DYNC1I1: variants seen among roughly 807,000 people sequenced by gnomAD.
The protein encoded by DYNC1I1 is dynein cytoplasmic 1 intermediate chain 1, also known as cytoplasmic dynein 1 intermediate chain 1.
Under a neutral mutation model 86.6 loss-of-function variants are expected in DYNC1I1, and 43 were observed. The observed-to-expected ratio is 0.50, with a 90% CI of 0.39 to 0.64. The LOEUF (loss-of-function observed/expected upper bound fraction) is 0.64, where lower values mean the gene tolerates loss of function less well. DYNC1I1 is among the 30% of genes least tolerant of loss of function. The pLI is 0.00. For synonymous variants in DYNC1I1, 262 were observed against 283.7 expected, an observed-to-expected ratio of 0.92 and a Z score of 0.77; for missense variants, 604 against 788.8, an observed-to-expected ratio of 0.77 and a Z score of 2.81.
intron 4 of DYNC1I1, among the ~76,000 whole-genome samples, chr7:95,826,248 T>G (rs1485952159): frequency 2.0e-5 from 3 of 152,180 alleles, no homozygotes; most frequent in Non-Finnish European, 4.4e-5. Context: ...CTTTCAGAGG[T>G]TCTATGTAAA....
chr7:96,004,912 T>G (rs1466227011), intron 10 of DYNC1I1, among the ~76,000 whole-genome samples: 1 of 152,216 alleles, frequency 6.6e-6, no homozygotes, highest in Non-Finnish European at 1.5e-5. Context: ...AATGCAAATT[T>G]GAAACCCTAT....
At chr7:95,873,819 G>A (rs547694390) in intron 6 of DYNC1I1, among the ~76,000 whole-genome samples, 81 of 152,328 alleles carry the variant, frequency 5.3e-4, no homozygotes, top group African/African-American at 1.9e-3. Context: ...CCAGGCCTCC[G>A]TATTCTTACC....
intron 5 of DYNC1I1, among the ~76,000 whole-genome samples, chr7:95,854,113 G>T (rs542166424): frequency 2.1e-4 from 32 of 152,174 alleles, no homozygotes; most frequent in Non-Finnish European, 4.1e-4. Flanking sequence ...CTTTTGATTG[G>T]AGAATTTAAT....
At chr7:95,951,890 A>G (rs975241678) in intron 6 of DYNC1I1, among the ~76,000 whole-genome samples, 30 of 152,194 alleles carry the variant, frequency 2.0e-4, no homozygotes, top group African/African-American at 7.0e-4. Flanking sequence ...TTTTCTGTAT[A>G]TGTTTCTCTG....
At chr7:95,810,801 TG>T (rs1794813482) in intron 3 of DYNC1I1, among the ~76,000 whole-genome samples, 1 of 152,070 alleles carries the variant, frequency 6.6e-6, no homozygotes. Context: ...AGTTGCCACT[TG>T]GTAAATATAA....
intron 10 of DYNC1I1, among the ~76,000 whole-genome samples, chr7:96,019,239 C>T (rs573104624): frequency 1.4e-4 from 22 of 152,044 alleles, no homozygotes; most frequent in Non-Finnish European, 2.6e-4. Context: ...TAATTGTAGT[C>T]ACCATGTTGT....
chr7:95,975,556 A>C lies in DYNC1I1; in HGVS notation c.491-1956A>C, dbSNP rs570332061. On this transcript the variant is annotated intron_variant, in intron 6 of 16. Coordinates refer to ENST00000447467, the MANE Select transcript of DYNC1I1 (RefSeq NM_001135556.2). ...CATGTTGGATTAGGTGCCCTACTCC[A>C]TTATAACCTCATTTGAACTAATTAT... Among the ~76,000 whole-genome samples the C allele has an allele frequency of 2.6e-5, 4 of 152,242 alleles. No homozygotes were observed. The East Asian group carries it at 7.7e-4, about 29-fold the overall frequency.
intron 14 of DYNC1I1, among the ~76,000 whole-genome samples, chr7:96,074,764 GAA>G (rs1346459088): frequency 6.6e-6 from 1 of 152,180 alleles, no homozygotes; most frequent in Non-Finnish European, 1.5e-5. Flanking sequence ...TTCACTTGGA[GAA>G]ATCACTCTAA....
intron 9 of DYNC1I1, among the ~76,000 whole-genome samples, chr7:95,989,770 C>T (rs1327268267): frequency 6.6e-6 from 1 of 152,150 alleles, no homozygotes; most frequent in African/African-American, 2.4e-5. Context: ...CTTACCTACG[C>T]TGTGGGGAAG....
intron 3 of DYNC1I1, among the ~76,000 whole-genome samples, chr7:95,812,508 G>C (rs1794852298): frequency 6.6e-6 from 1 of 152,154 alleles, no homozygotes; most frequent in Admixed American, 6.6e-5. Flanking sequence ...CAGAGTGGCA[G>C]CTTACTTCTG....
intron 5 of DYNC1I1, among the ~76,000 whole-genome samples, chr7:95,832,192 C>A (rs554714061): frequency 8.8e-6 from 1 of 113,440 alleles, no homozygotes; most frequent in Non-Finnish European, 1.7e-5. Context: ...TTGTTCAATT[C>A]CCACCTATGA....
At chr7:95,963,395 A>G (rs112606751) in intron 6 of DYNC1I1, among the ~76,000 whole-genome samples, 29 of 152,302 alleles carry the variant, frequency 1.9e-4, no homozygotes, top group African/African-American at 6.0e-4. Flanking sequence ...AGTTTAGCCT[A>G]TGCCTTCAAT....
At chr7:96,064,477 T>G (rs141199161) in intron 14 of DYNC1I1, among the ~76,000 whole-genome samples, 70 of 152,310 alleles carry the variant, frequency 4.6e-4, no homozygotes, top group African/African-American at 1.6e-3. Flanking sequence ...TCTTGCTCAG[T>G]AGCAGTTTCC....
At chr7:95,996,154 C>A in intron 10 of DYNC1I1, 81 bp downstream of exon 10, 1 of 1,576,960 alleles carries the variant, frequency 6.3e-7, no homozygotes, top group Non-Finnish European at 8.6e-7. Flanking sequence ...CTGTCTTATG[C>A]TGAGAGGAAG....
intron 1 of DYNC1I1, among the ~76,000 whole-genome samples, chr7:95,798,300 G>A (rs1395293082): frequency 6.6e-6 from 1 of 151,562 alleles, no homozygotes; most frequent in Non-Finnish European, 1.5e-5. Context: ...CCTTTCACTG[G>A]CCAACTCCCT....
chr7:95,875,344 G>A (rs1226762442), intron 6 of DYNC1I1, among the ~76,000 whole-genome samples: 2 of 152,146 alleles, frequency 1.3e-5, no homozygotes, highest in Admixed American at 6.5e-5. Flanking sequence ...ACATTATTAC[G>A]CTTGCAGCAT....
intron 6 of DYNC1I1, among the ~76,000 whole-genome samples, chr7:95,891,058 G>T (rs1182834235): frequency 2.0e-5 from 3 of 152,050 alleles, no homozygotes; most frequent in African/African-American, 7.3e-5. Flanking sequence ...CATTAGAGTG[G>T]GCCTTCATCC....
intron 6 of DYNC1I1, among the ~76,000 whole-genome samples, chr7:95,899,844 A>G (rs984862): frequency 0.61 from 93,426 of 152,076 alleles, 29,274 homozygotes; most frequent in Non-Finnish European, 0.68. Context: ...AATATTCTCC[A>G]GGAACTTCTA....
chr7:95,909,196 A>AG (rs1222061964), intron 6 of DYNC1I1, among the ~76,000 whole-genome samples: 2 of 125,874 alleles, frequency 1.6e-5, no homozygotes, highest in Admixed American at 9.0e-5. Context: ...AAAAAAAAAA[A>AG]AAACCCAGCT....
Sources: allele counts gnomAD v4.1 joint callset (sites outside exome capture counted in the v4.1 genomes callset), GRCh38; gene constraint gnomAD v4.1.1; transcripts MANE v1.5; gene names NCBI Gene and HGNC (gene_info 2026-07-23, HGNC 2026-07-21).